Variants in PBRM1 observed in about 807,000 individuals in gnomAD.
The protein encoded by PBRM1 is polybromo 1.
A neutral mutation model predicts 194.5 loss-of-function variants in PBRM1; 27 were observed. That is an observed-to-expected ratio of 0.14 (90% confidence interval 0.10 to 0.19). The LOEUF (loss-of-function observed/expected upper bound fraction) is 0.19. Among genes scored for constraint, PBRM1 ranks in the 10% least tolerant of loss-of-function variants. The pLI, the probability that PBRM1 is intolerant of heterozygous loss-of-function variation, is 1.00. For missense variants in PBRM1, 1,466 were observed against 2,077.2 expected, an observed-to-expected ratio of 0.71 and a Z score of 5.72; for synonymous variants, 655 against 693.2, an observed-to-expected ratio of 0.94 and a Z score of 0.87.
chr3:52,592,401 G>A (rs904556425), intron 17 of PBRM1, among the ~76,000 whole-genome samples: 7 of 152,100 alleles, frequency 4.6e-5, no homozygotes, highest in Non-Finnish European at 1.0e-4. Flanking sequence ...CAAAGTGCTG[G>A]GATTACAGGC....
At chr3:52,639,497 C>T (rs1044925878) in intron 10 of PBRM1, among the ~76,000 whole-genome samples, 2 of 151,366 alleles carry the variant, frequency 1.3e-5, no homozygotes, top group Non-Finnish European at 1.5e-5. Flanking sequence ...CTCATTGTAG[C>T]CTCAACCTCC....
intron 27 of PBRM1, among the ~76,000 whole-genome samples, chr3:52,553,391 T>C (rs1401987691): frequency 2.0e-5 from 3 of 152,196 alleles, no homozygotes; most frequent in African/African-American, 7.2e-5. Flanking sequence ...GGAATCCATT[T>C]ATATATTTCT....
chr3:52,642,512 A>AGGCTGAG (rs1257449491), intron 9 of PBRM1, among the ~76,000 whole-genome samples: 1 of 146,532 alleles, frequency 6.8e-6, no homozygotes, highest in Admixed American at 7.0e-5. Flanking sequence ...GCTATTCGGG[A>AGGCTGAG]GGCTGAGGCA....
intron 17 of PBRM1, among the ~76,000 whole-genome samples, chr3:52,596,466 A>G (rs2093565148): frequency 8.3e-6 from 1 of 119,854 alleles, no homozygotes; most frequent in African/African-American, 3.0e-5. Flanking sequence ...AAAAAAAAAA[A>G]AAAAAAAAAA....
At chr3:52,681,464 A>C (rs1386321718), upstream of PBRM1, among the ~76,000 whole-genome samples, 28 of 152,154 alleles carry the variant, frequency 1.8e-4, no homozygotes, top group Non-Finnish European at 1.5e-5. Context: ...AACTTAGCCA[A>C]GTTTTGCTGA....
At chr3:52,621,669 C>G (rs1031344538) in intron 13 of PBRM1, among the ~76,000 whole-genome samples, 1 of 152,184 alleles carries the variant, frequency 6.6e-6, no homozygotes, top group African/African-American at 2.4e-5. Flanking sequence ...TTTTTAAAAT[C>G]AGCACCTTTA....
At chr3:52,626,254 G>T (rs2095443049) in intron 13 of PBRM1, among the ~76,000 whole-genome samples, 2 of 152,184 alleles carry the variant, frequency 1.3e-5, no homozygotes, top group African/African-American at 4.8e-5. Flanking sequence ...AAATTCATAG[G>T]CCAGTAATGG....
At chr3:52,664,638 G>A (rs890455958) in intron 3 of PBRM1, among the ~76,000 whole-genome samples, 1 of 151,478 alleles carries the variant, frequency 6.6e-6, no homozygotes, top group Admixed American at 6.6e-5. Flanking sequence ...AGGGGCTGAG[G>A]CAGGAGAATC....
chr3:52,653,631 G>A (rs913848611), intron 5 of PBRM1, among the ~76,000 whole-genome samples: 9 of 150,736 alleles, frequency 6.0e-5, no homozygotes, highest in Non-Finnish European at 1.0e-4. Context: ...CAAAATTCTG[G>A]TCAGGCATGG....
chr3:52,581,855 C>T (rs375504471), intron 20 of PBRM1, among the ~76,000 whole-genome samples: 5 of 152,020 alleles, frequency 3.3e-5, no homozygotes, highest in African/African-American at 4.8e-5. Context: ...CCTGGATGGT[C>T]GTGATCTCCT....
At chr3:52,586,147 G>C (rs1042580867) in intron 20 of PBRM1, 9 of 243,360 alleles carry the variant, frequency 3.7e-5, no homozygotes, top group Admixed American at 2.0e-4. Context: ...TGTTGGTCAG[G>C]CTGGTCTCGA....
At chr3:52,567,488 G>C (rs1249295889) in intron 22 of PBRM1, among the ~76,000 whole-genome samples, 2 of 141,216 alleles carry the variant, frequency 1.4e-5, no homozygotes, top group Admixed American at 7.8e-5. Context: ...CACAAAGTAG[G>C]TAAATACCAT....
At chr3:52,650,772 G>A (rs2096468768) in intron 6 of PBRM1, among the ~76,000 whole-genome samples, 1 of 152,148 alleles carries the variant, frequency 6.6e-6, no homozygotes, top group Non-Finnish European at 1.5e-5. Context: ...CAAATCACCT[G>A]ACCAAAGTGA....
chr3:52,685,845 G>C (rs2097305326), upstream of PBRM1: 1 of 489,376 alleles, frequency 2.0e-6, no homozygotes, highest in Non-Finnish European at 3.6e-6. Flanking sequence ...CTCCGGCCGC[G>C]GCCGCTGCCG....
exon 24 of PBRM1, chr3:52,563,471 C>T (rs1332685249): frequency 1.2e-6 from 2 of 1,613,862 alleles, no homozygotes; most frequent in South Asian, 2.2e-5. Flanking sequence ...GGTGATGGCT[C>T]CTTCTGAGGA....
At chr3:52,563,531 T>C (rs2084222481) in intron 23 of PBRM1, 38 bp from the exon 26 acceptor site, 1 of 1,434,846 alleles carries the variant, frequency 7.0e-7, no homozygotes, top group African/African-American at 1.4e-5. Context: ...AATCACCTAA[T>C]GCCCCTCCAG....
At chr3:52,576,635 T>A (rs17264436) in exon 22 of PBRM1, 602,932 of 1,606,806 alleles carry the variant, frequency 0.38, 117,513 homozygotes, top group Admixed American at 0.5. Flanking sequence ...CTGTTTCTTC[T>A]GGGTGAATGA....
At chr3:52,679,611 T>C (rs2154066092) in exon 1 of PBRM1, 8 of 1,613,982 alleles carry the variant, frequency 5.0e-6, no homozygotes, top group Non-Finnish European at 5.9e-6. Flanking sequence ...TCTCCTCCTT[T>C]TCCTGCTTGG....
chr3:52,571,780 G>A (rs775978442), intron 22 of PBRM1, among the ~76,000 whole-genome samples: 32 of 147,672 alleles, frequency 2.2e-4, no homozygotes, highest in Non-Finnish European at 3.7e-4. Context: ...CAGCACTTTC[G>A]GGGAGGCTGA....
Sources: allele counts gnomAD v4.1 joint callset (sites outside exome capture counted in the v4.1 genomes callset), GRCh38; gene constraint gnomAD v4.1.1; transcripts MANE v1.5; gene names NCBI Gene and HGNC (gene_info 2026-07-23, HGNC 2026-07-21).